The following GRIN3A variants were observed in gnomAD, a reference collection of about 807,000 sequenced individuals.
GRIN3A encodes the protein glutamate receptor ionotropic, NMDA 3A.
Under a neutral mutation model 92.4 loss-of-function variants are expected in GRIN3A, and 47 were observed. The observed-to-expected ratio is 0.51, with a 90% CI of 0.40 to 0.65. GRIN3A has a LOEUF of 0.65. Ranked by LOEUF, GRIN3A falls within the 30% of genes least tolerant of loss-of-function variation. The pLI, the probability that GRIN3A is intolerant of heterozygous loss-of-function variation, is 0.00. For synonymous variants in GRIN3A, 527 were observed against 540.6 expected (o/e 0.97, Z 0.35); for missense variants, 1,324 against 1,393.1 (o/e 0.95, Z 0.79).
At chr9:101,672,872 T>A (rs1829347863) in intron 2 of GRIN3A, among the ~76,000 whole-genome samples, 2 of 152,166 alleles carry the variant, frequency 1.3e-5, no homozygotes, top group African/African-American at 4.8e-5. Flanking sequence ...GAAGTAGTTT[T>A]CTGCTTCTTT....
rs1564116009 is a variant in GRIN3A, at chr9:101,570,890, CAG to C, written c.*2282_*2283del. The C allele has an allele frequency of 6.6e-6, 1 of 152,638 alleles. No individual in the cohort carries two copies. The highest frequency in any genetic ancestry group is 1.9e-4 in the East Asian group (1 of 5,190). The allele number at this position is 152,638 out of a possible 1,614,324, so 9.5% of individuals were successfully genotyped here. On this transcript the variant is annotated 3_prime_UTR_variant, in exon 9 of 9. Transcript: ENST00000361820. ...CCTTAAACAGCCAGCTTCTCAAATA[CAG>C]TCAGAATATGAGCTGAGTTACAAAA...
rs1033416326 is a variant in GRIN3A, at chr9:101,570,527, A to G, written c.*2647T>C. 6.6e-6 allele frequency: 1 copy of G among 152,668 alleles called. No individual in the cohort carries two copies. Among genetic ancestry groups the G allele is most frequent in the African/African-American group, 2.4e-5 (1 of 41,476 alleles). The allele number at this position is 152,668 out of a possible 1,614,324, so 9.5% of individuals were successfully genotyped here. On this transcript the variant is annotated 3_prime_UTR_variant, in exon 9 of 9. Transcript: ENST00000361820. ...AGACTGCTTCGTTTCACCACAAGCA[A>G]TTATGGTTTTTCTTTATTCAGAACA...
At chr9:101,606,941 A>G (rs970882817) in intron 6 of GRIN3A, among the ~76,000 whole-genome samples, 33 of 101,238 alleles carry the variant, frequency 3.3e-4, no homozygotes, top group Admixed American at 4.3e-4. Flanking sequence ...GCTGAGTCAA[A>G]AGAAAACAAA....
intron 6 of GRIN3A, among the ~76,000 whole-genome samples, chr9:101,590,386 TTATTTA>T (rs1828008462): frequency 1.5e-5 from 2 of 135,462 alleles, no homozygotes; most frequent in African/African-American, 5.6e-5. Context: ...ATTTATTTAT[TTATTTA>T]TTTTTTTGAG....
intron 3 of GRIN3A, among the ~76,000 whole-genome samples, chr9:101,657,984 T>C (rs1287457468): frequency 6.6e-6 from 1 of 151,936 alleles, no homozygotes; most frequent in African/African-American, 2.4e-5. Flanking sequence ...TCAGTCATGT[T>C]TGTGGTATGA....
Position 101,628,550 on chromosome 9 carries a change from A to G in GRIN3A, c.2353-149T>C, listed in dbSNP as rs1001323094. 1.1e-5 allele frequency: 8 copies of G among 711,680 alleles called. No homozygotes were observed. In the Admixed American group the frequency reaches 2.1e-4, roughly 19 times the overall value. 44.1% of individuals were successfully genotyped at this position (711,680 alleles called of 1,614,324 possible). A position where few individuals can be genotyped will look rare whatever the true frequency, so the allele number is the denominator to read the frequency against. On this transcript the variant is annotated intron_variant, in intron 3 of 8. Transcript: ENST00000361820. ...AACATGTACATAGAAATGTGCAGAC[A>G]TGGCTACATGCTTTTTACATCAGAA...
rs779877364 is a variant in GRIN3A at position 101,737,668 on chromosome 9, G to T, written c.312C>A (p.Gly104=). ...GCTTACGGGAGCCCGGCGGCCCCCG[G>T]CCATGCAGGGTGCTCCCCAACCAGC... ...GARWLGSTLH[G]RGPPGSRKPG... The change falls in exon 1 of 9, where the codon GGC becomes GGA. Residue 104 remains glycine (G), a synonymous_variant. Transcript: ENST00000361820. 6.3e-7 allele frequency: 1 copy of T among 1,591,798 alleles called. No homozygotes were observed. The highest frequency in any genetic ancestry group is 8.5e-7 in the Non-Finnish European group (1 of 1,172,020).
rs544886103 is a variant in GRIN3A, at chr9:101,576,274, C to G, written c.3008+1494G>C. 4.4e-4 allele frequency among the ~76,000 whole-genome samples: 67 copies of G among 152,230 alleles called. No individual in the cohort carries two copies. In the South Asian group the frequency reaches 0.014, roughly 32 times the overall value. On this transcript the variant is annotated intron_variant, in intron 8 of 8. Coordinates refer to ENST00000361820, the MANE Select transcript of GRIN3A (RefSeq NM_133445.3). ...AGGTTCAATACTCCACTGGACTATT[C>G]CAAAGAGACATGACGGCTATGGTAC...
At position 101,691,387 on chromosome 9, in the gene GRIN3A, G is replaced by T. The variant is rs150320179; in HGVS notation, c.700-4187C>A. On this transcript the variant is annotated intron_variant, in intron 1 of 8. Transcript: ENST00000361820. ...AATAGGGTCCAGCAAAACTAGGAGA[G>T]GAAGAAGAAACTAGGAAATATTAAT... is the stretch of plus-strand genomic sequence containing the variant. Among the ~76,000 whole-genome samples, 821 of 152,198 alleles carry T rather than the reference G, an allele frequency of 5.4e-3. 5 individuals are homozygous for T. Among genetic ancestry groups the T allele is most frequent in the Middle Eastern group, 0.024 (7 of 294 alleles).
chr9:101,737,258 T>C, intron 1 of GRIN3A, 23 bp downstream of exon 1: 1 of 1,605,824 alleles, frequency 6.2e-7, no homozygotes, highest in Non-Finnish European at 8.5e-7. Context: ...CCATCTCCAC[T>C]CCACGCACCA....
At chr9:101,614,029 T>G (rs947733664) in intron 5 of GRIN3A, among the ~76,000 whole-genome samples, 2 of 152,118 alleles carry the variant, frequency 1.3e-5, no homozygotes, top group African/African-American at 4.8e-5. Context: ...CAATACAGTA[T>G]GAGAACTAAA....
intron 6 of GRIN3A, among the ~76,000 whole-genome samples, chr9:101,597,248 T>C (rs1298634026): frequency 6.6e-6 from 1 of 152,160 alleles, no homozygotes; most frequent in Non-Finnish European, 1.5e-5. Context: ...TTCCCACCTA[T>C]GAGCCATCAG....
rs1234288917 is a variant in GRIN3A, at chr9:101,573,292, T to C, written c.3230A>G (p.Gln1077Arg). Residue 1077 changes from glutamine to arginine, a missense_variant, in exon 9 of 9, where the codon CAG becomes CGG. By Grantham distance (43) the Gln-to-Arg change is conservative. Coordinates refer to ENST00000361820, the MANE Select transcript of GRIN3A (RefSeq NM_133445.3). Reference sequence around the variant, plus strand: ...CTGCTTCTCGAGCTCTGAGAGTTCCTGCATCACTGAGTTCCGAGATACATT... The same window carrying C: ...CTGCTTCTCGAGCTCTGAGAGTTCCCGCATCACTGAGTTCCGAGATACATT... ...SLNVSRNSVM[Q>R]ELSELEKQIQ... 2 of 1,613,954 alleles carry C rather than the reference T, an allele frequency of 1.2e-6. No homozygotes were observed. Among genetic ancestry groups the C allele is most frequent in the African/African-American group, 1.3e-5 (1 of 74,900 alleles).
At chr9:101,603,962 C>T (rs983778391) in intron 6 of GRIN3A, among the ~76,000 whole-genome samples, 1 of 152,220 alleles carries the variant, frequency 6.6e-6, no homozygotes, top group African/African-American at 2.4e-5. Flanking sequence ...TGTGTCACGG[C>T]TTACCTTATG....
At chr9:101,681,028 A>C (rs1299663128) in intron 2 of GRIN3A, among the ~76,000 whole-genome samples, 1 of 152,214 alleles carries the variant, frequency 6.6e-6, no homozygotes, top group Non-Finnish European at 1.5e-5. Flanking sequence ...CTTAAAGAAA[A>C]GATAAGTGTT....
chr9:101,713,235 G>A (rs1343483022), intron 1 of GRIN3A, among the ~76,000 whole-genome samples: 2 of 152,192 alleles, frequency 1.3e-5, no homozygotes, highest in African/African-American at 2.4e-5. Flanking sequence ...CAAGAAGAAC[G>A]TGTTTGGGAG....
intron 6 of GRIN3A, among the ~76,000 whole-genome samples, chr9:101,610,959 G>T (rs1201255475): frequency 1.3e-5 from 2 of 152,020 alleles, no homozygotes; most frequent in Non-Finnish European, 2.9e-5. Flanking sequence ...TTAGCCACGT[G>T]TGGTAGTGGG....
chr9:101,736,402 A>G (rs1830206103), intron 1 of GRIN3A, among the ~76,000 whole-genome samples: 1 of 152,228 alleles, frequency 6.6e-6, no homozygotes. Context: ...TCATCTCCTC[A>G]TTATTACTTG....
chr9:101,623,431 T>TGC lies in GRIN3A; in HGVS notation c.2500_2501insGC (p.Asn834SerfsTer7), dbSNP rs768032087. ...GAAGGCGTCTAGTTTCTCTGGATCA[T>TGC]TCCTATATTTAAGACCAGAGGAGAA... On this transcript the variant is annotated frameshift_variant and splice_region_variant, in exon 5 of 9. Coordinates refer to ENST00000361820, the MANE Select transcript of GRIN3A (RefSeq NM_133445.3). LOFTEE classifies it high-confidence loss of function. 7.0e-6 allele frequency: 11 copies of TGC among 1,579,902 alleles called. No homozygotes were observed. In the African/African-American group the frequency reaches 1.2e-4, roughly 17 times the overall value.
Sources: allele counts gnomAD v4.1 joint callset (sites outside exome capture counted in the v4.1 genomes callset), GRCh38; gene constraint gnomAD v4.1.1; transcripts MANE v1.5; gene names NCBI Gene and HGNC (gene_info 2026-07-23, HGNC 2026-07-21).